Variants in PDE8B observed in about 807,000 individuals in gnomAD.
The protein encoded by PDE8B is phosphodiesterase 8B.
Under a neutral mutation model 101.3 loss-of-function variants are expected in PDE8B, and 26 were observed. The observed-to-expected ratio is 0.26, with a 90% CI of 0.19 to 0.36. The LOEUF (loss-of-function observed/expected upper bound fraction) is 0.36. Ranked by LOEUF, PDE8B falls within the 10% of genes least tolerant of loss-of-function variation. The probability of loss-of-function intolerance (pLI) is 1.00; values close to 1 mark genes in which losing one functional copy is unlikely to be tolerated. For missense variants in PDE8B, 810 were observed against 1,163.1 expected, an observed-to-expected ratio of 0.70 and a Z score of 4.42; for synonymous variants, 424 against 429.3, an observed-to-expected ratio of 0.99 and a Z score of 0.15.
the PDE8B span, among the ~76,000 whole-genome samples, chr5:77,121,426 C>T: frequency 4.6e-5 from 7 of 152,034 alleles, no homozygotes; most frequent in South Asian, 2.1e-4. Flanking sequence ...GGAAATCACC[C>T]GCTGTCACTT....
intron 1 of PDE8B, among the ~76,000 whole-genome samples, chr5:77,301,037 T>TA (rs1561492780): frequency 6.6e-6 from 1 of 152,214 alleles, no homozygotes; most frequent in Non-Finnish European, 1.5e-5. Context: ...TGGGGCCATC[T>TA]AATCTTTGGA....
At chr5:77,250,125 A>C (rs1180652485) in intron 1 of PDE8B, among the ~76,000 whole-genome samples, 2 of 152,246 alleles carry the variant, frequency 1.3e-5, no homozygotes, top group Non-Finnish European at 2.9e-5. Context: ...ATAAGAAATT[A>C]ACATTTATTG....
At chr5:77,291,376 G>A in intron 1 of PDE8B, 1 of 1,611,966 alleles carries the variant, frequency 6.2e-7, no homozygotes, top group Non-Finnish European at 8.5e-7. Context: ...GTGGTCTATG[G>A]GGGCAAGGTT....
chr5:77,367,746 G>T (rs1219042440), intron 10 of PDE8B, among the ~76,000 whole-genome samples: 1 of 152,116 alleles, frequency 6.6e-6, no homozygotes, highest in Non-Finnish European at 1.5e-5. Flanking sequence ...GGCCAGGATG[G>T]TCTCAATCTC....
chr5:77,415,772 G>A (rs1795408793), intron 17 of PDE8B, among the ~76,000 whole-genome samples: 1 of 152,186 alleles, frequency 6.6e-6, no homozygotes, highest in South Asian at 2.1e-4. Context: ...CTCTCCCCAT[G>A]TTACCCAATT....
rs1408690591 is a variant in PDE8B at position 77,234,994 on chromosome 5, T to A, written c.339+23730T>A. 2.6e-5 allele frequency among the ~76,000 whole-genome samples: 4 copies of A among 152,146 alleles called. No individual in the cohort carries two copies. The East Asian group carries it at 7.7e-4, about 29-fold the overall frequency. Reference sequence around the variant, plus strand: ...ATCATATTGTTGGAAAGACCACTCTTCCAGTGGTCTCTCACCCCCAACCCA... The same window carrying A: ...ATCATATTGTTGGAAAGACCACTCTACCAGTGGTCTCTCACCCCCAACCCA... On this transcript the variant is annotated intron_variant, in intron 1 of 21. Coordinates refer to ENST00000264917, the MANE Select transcript of PDE8B (RefSeq NM_003719.5).
At chr5:77,422,314 T>C (rs893313476) in intron 20 of PDE8B, among the ~76,000 whole-genome samples, 3 of 152,184 alleles carry the variant, frequency 2.0e-5, no homozygotes, top group African/African-American at 7.2e-5. Context: ...CCTGGGTGTC[T>C]ACATGGCGCG....
At chr5:77,377,726 A>G (rs920718845) in intron 10 of PDE8B, among the ~76,000 whole-genome samples, 4 of 152,320 alleles carry the variant, frequency 2.6e-5, no homozygotes, top group East Asian at 1.9e-4. Flanking sequence ...GCACTCACCA[A>G]TGTGGGCAGG....
Position 77,210,765 on chromosome 5 carries a change from G to A in PDE8B, c.-161G>A, listed in dbSNP as rs866972257. ...GCGCGCGGTCCCCGGAGGCTCGGCG[G>A]GGGGCACCGCGGCCAGCCCGACGGA... is the stretch of plus-strand genomic sequence containing the variant. On this transcript the variant is annotated 5_prime_UTR_variant, in exon 1 of 22. Coordinates refer to ENST00000264917, the MANE Select transcript of PDE8B (RefSeq NM_003719.5). This position sits in a 1 kb window ranked among gnomAD's most constrained non-coding sequence, Gnocchi z 4.9. 82 of 982,582 alleles carry A rather than the reference G, an allele frequency of 8.3e-5. No homozygotes were observed. The Middle Eastern group carries it at 2.1e-3, about 25-fold the overall frequency. The allele number at this position is 982,582 out of a possible 1,614,324, so 60.9% of individuals were successfully genotyped here.
intron 1 of PDE8B, among the ~76,000 whole-genome samples, chr5:77,298,552 C>T (rs1769145852): frequency 6.6e-6 from 1 of 152,160 alleles, no homozygotes; most frequent in Admixed American, 6.5e-5. Flanking sequence ...CAACTGAAGG[C>T]AGAACTTTCT....
intron 5 of PDE8B, among the ~76,000 whole-genome samples, chr5:77,333,791 A>C (rs1777588591): frequency 6.6e-6 from 1 of 152,196 alleles, no homozygotes; most frequent in Non-Finnish European, 1.5e-5. Flanking sequence ...CACATTTTAC[A>C]ACCTGTCCAT....
At chr5:77,168,515 C>T in the PDE8B span, among the ~76,000 whole-genome samples, 1 of 152,376 alleles carries the variant, frequency 6.6e-6, no homozygotes, top group East Asian at 1.9e-4. Flanking sequence ...CCTCCTGCCC[C>T]TCTGAGGCAG....
chr5:77,303,319 T>G (rs1314636249), intron 1 of PDE8B, among the ~76,000 whole-genome samples: 1 of 152,120 alleles, frequency 6.6e-6, no homozygotes, highest in Non-Finnish European at 1.5e-5. Flanking sequence ...GTGGATGGAT[T>G]GCCTGAGCTC....
intron 12 of PDE8B, among the ~76,000 whole-genome samples, chr5:77,405,156 T>C (rs1051586386): frequency 2.6e-5 from 4 of 152,210 alleles, no homozygotes; most frequent in African/African-American, 9.6e-5. Flanking sequence ...AACACAAACC[T>C]AGTTTTCAGT....
intron 1 of PDE8B, chr5:77,290,565 C>T (rs1767072122): frequency 1.3e-6 from 2 of 1,494,568 alleles, no homozygotes; most frequent in East Asian, 4.5e-5. Context: ...GATCCAAGTA[C>T]TAGGAAGCTT....
intron 19 of PDE8B, among the ~76,000 whole-genome samples, chr5:77,420,381 C>T (rs557368234): frequency 1.3e-5 from 2 of 151,754 alleles, no homozygotes; most frequent in East Asian, 1.9e-4. Context: ...AAAACCTACT[C>T]ATGTACCTTG....
chr5:77,393,340 G>A (rs1790342757), intron 10 of PDE8B, among the ~76,000 whole-genome samples: 1 of 151,464 alleles, frequency 6.6e-6, no homozygotes, highest in African/African-American at 2.4e-5. Flanking sequence ...GTTGCAGTGA[G>A]CCAAGTTTGC....
At chr5:77,422,365 G>A (rs1259345423) in intron 20 of PDE8B, among the ~76,000 whole-genome samples, 1 of 152,156 alleles carries the variant, frequency 6.6e-6, no homozygotes, top group Non-Finnish European at 1.5e-5. Flanking sequence ...CGCGGCCACG[G>A]GGAGTTCCAG....
chr5:77,407,384 C>T lies in PDE8B; in HGVS notation c.1292C>T (p.Pro431Leu). Reference protein sequence around the residue: ...KSISSRGSDAPSLQNRRYPSM... With the variant: ...KSISSRGSDALSLQNRRYPSM... ...AGCTTTCTTGCCTTCTCTCCAGCAC[C>T]AAGCCTGCAGAATCGTCGCTATCCG... Residue 431 changes from proline (P) to leucine (L), a missense_variant, in exon 13 of 22, where the codon CCA (proline) becomes CTA (leucine). Physicochemically the swap from Pro to Leu is moderately conservative, Grantham distance 98. Transcript: ENST00000264917. 6.2e-7 allele frequency: 1 copy of T among 1,613,830 alleles called. No homozygotes were observed. Among genetic ancestry groups the T allele is most frequent in the Non-Finnish European group, 8.5e-7 (1 of 1,179,736 alleles).
Sources: gnomAD v4.1 joint callset for allele counts (sites outside exome capture counted in the v4.1 genomes callset) on GRCh38, gnomAD v4.1.1 for gene constraint, Gnocchi (gnomAD v3.1) non-coding constraint, MANE v1.5 for transcripts, NCBI Gene and HGNC (gene_info 2026-07-23, HGNC 2026-07-21) for gene names.